Variants in UBXN8 observed in about 807,000 individuals in gnomAD.
UBXN8 encodes the protein UBX domain protein 8.
In UBXN8, 27 loss-of-function variants were observed where a neutral mutation model predicts 32.1. The observed-to-expected ratio is 0.84, with a 90% confidence interval of 0.62 to 1.16. The LOEUF (loss-of-function observed/expected upper bound fraction) is 1.16, where lower values mean the gene tolerates loss of function less well. Among genes scored for constraint, UBXN8 ranks in the 50% most tolerant of loss-of-function variants. UBXN8 has a pLI of 0.00. For synonymous variants in UBXN8, 109 were observed against 111.8 expected (o/e 0.98, Z 0.16); for missense variants, 306 against 311.4 (o/e 0.98, Z 0.13).
intron 1 of UBXN8, among the ~76,000 whole-genome samples, chr8:30,734,873 G>A (rs547998100): frequency 5.3e-5 from 8 of 152,284 alleles, no homozygotes; most frequent in South Asian, 2.1e-4. Flanking sequence ...AGCCCGGGGC[G>A]TTGAGGCTGT....
At chr8:30,731,624 C>T (rs1383828186), upstream of UBXN8, among the ~76,000 whole-genome samples, 1 of 151,784 alleles carries the variant, frequency 6.6e-6, no homozygotes. Context: ...GTTAACTGAG[C>T]CGGGCCAAGA....
At position 30,751,496 on chromosome 8, in the gene UBXN8, A is replaced by C; in HGVS notation, c.189A>C (p.Lys63Asn). ...SVTTSWLNSF[K>N]SPQVYLKEEE... ...CTACCTCATGGCTTAACTCATTTAA[A>C]TCTCCCCAAGTTTATCTGAAGGGTA... is the stretch of plus-strand genomic sequence containing the variant. Residue 63 changes from lysine (K) to asparagine (N), a missense_variant, in exon 2 of 8, where the codon AAA becomes AAC. Physicochemically the swap from Lys to Asn is moderately conservative, Grantham distance 94. Coordinates refer to ENST00000265616, the MANE Select transcript of UBXN8 (RefSeq NM_005671.4). The C allele has an allele frequency of 6.2e-7, 1 of 1,607,946 alleles. No homozygotes were observed. The highest frequency in any genetic ancestry group is 8.5e-7 in the Non-Finnish European group (1 of 1,177,128).
upstream of UBXN8, chr8:30,744,081 T>A: frequency 1.1e-6 from 1 of 915,980 alleles, no homozygotes; most frequent in Non-Finnish European, 1.7e-6. Context: ...ATTTACCACG[T>A]TATTGACCCT....
Position 30,744,482 on chromosome 8 carries a change from G to A in UBXN8, c.88+205G>A, listed in dbSNP as rs16877332. Reference sequence around the variant, plus strand: ...CCAGGTGTGATGGTTTTACGTGTAAGAGGGTAGAGGCAAAGAGCACAGGGG... The same window carrying A: ...CCAGGTGTGATGGTTTTACGTGTAAAAGGGTAGAGGCAAAGAGCACAGGGG... On this transcript the variant is annotated intron_variant, in intron 1 of 7. Transcript: ENST00000265616. 8 of 610,106 alleles carry A rather than the reference G, an allele frequency of 1.3e-5. No homozygotes were observed. The East Asian group carries it at 1.9e-4, about 15-fold the overall frequency. 37.8% of individuals were successfully genotyped at this position (610,106 alleles called of 1,614,324 possible). A position where few individuals can be genotyped will look rare whatever the true frequency, so the allele number is the denominator to read the frequency against.
intron 4 of UBXN8, among the ~76,000 whole-genome samples, chr8:30,756,500 T>C (rs1805664563): frequency 6.6e-6 from 1 of 152,106 alleles, no homozygotes. Context: ...CAGGCTGGTC[T>C]TGAACTCCTG....
upstream of UBXN8, among the ~76,000 whole-genome samples, chr8:30,740,989 G>A (rs1480991870): frequency 1.3e-5 from 2 of 152,172 alleles, no homozygotes; most frequent in Non-Finnish European, 2.9e-5. Flanking sequence ...TCAAAAAAGA[G>A]GGAAAATCTA....
chr8:30,755,531 T>C (rs904920960), intron 4 of UBXN8, among the ~76,000 whole-genome samples: 3 of 151,948 alleles, frequency 2.0e-5, no homozygotes, highest in Admixed American at 6.6e-5. Flanking sequence ...GGCAGGCAGA[T>C]TGCTTGAGAC....
chr8:30,748,575 C>G (rs188523750), intron 1 of UBXN8, among the ~76,000 whole-genome samples: 1 of 151,592 alleles, frequency 6.6e-6, no homozygotes, highest in Non-Finnish European at 1.5e-5. Flanking sequence ...GAGTTTCACT[C>G]TGTTGCCCAG....
intron 5 of UBXN8, among the ~76,000 whole-genome samples, chr8:30,757,651 G>A (rs1043244240): frequency 3.3e-5 from 5 of 151,900 alleles, no homozygotes; most frequent in East Asian, 2.0e-4. Context: ...ACGAGGTCAC[G>A]AGTTCAAGAC....
chr8:30,751,311 C>T (rs1374696253), intron 1 of UBXN8, 85 bp from the exon 2 acceptor site: 3 of 1,183,238 alleles, frequency 2.5e-6, no homozygotes, highest in African/African-American at 1.5e-5. Context: ...CTCAGGAGTT[C>T]GAGACCAGCC....
chr8:30,737,185 G>A (rs1470963938), intron 1 of UBXN8, among the ~76,000 whole-genome samples: 3 of 150,722 alleles, frequency 2.0e-5, no homozygotes, highest in Non-Finnish European at 4.4e-5. Context: ...TGTCATTTCT[G>A]GGTCTGTTTC....
Position 30,766,293 on chromosome 8 carries a change from C to G in UBXN8, c.712C>G (p.Pro238Ala). 6.2e-7 allele frequency: 1 copy of G among 1,613,868 alleles called. No homozygotes were observed. Among genetic ancestry groups the G allele is most frequent in the Non-Finnish European group, 8.5e-7 (1 of 1,179,824 alleles). ...TCTATACAGCCTTTCTACTTCCTTT[C>G]CCAGACGGCCTCTGGCAGTGGAGGG... ...ISLYSLSTSFPRRPLAVEGGQ... is the reference protein window; with the variant it reads ...ISLYSLSTSFARRPLAVEGGQ... Residue 238 changes from proline (P) to alanine (A), a missense_variant, in exon 8 of 8, where the codon CCC becomes GCC. Transcript: ENST00000265616.
chr8:30,754,685 T>C lies in UBXN8; in HGVS notation c.303T>C (p.Asn101=), dbSNP rs749572936. The C allele has an allele frequency of 6.4e-7, 1 of 1,558,020 alleles. No individual in the cohort carries two copies. The highest frequency in any genetic ancestry group is 1.3e-5 in the South Asian group (1 of 79,994). ...AACAGGCCAGCAGATACATAGAGAA[T>C]GTTTTAAAACCTCACCAGGAAATGA... The part of the protein sequence containing the change: ...QGEKASRYIE[N]VLKPHQEMKL... The change falls in exon 4 of 8, where the codon AAT becomes AAC. Residue 101 remains asparagine (N), a synonymous_variant. Transcript: ENST00000265616.
chr8:30,747,307 GT>G (rs59568820), intron 1 of UBXN8, among the ~76,000 whole-genome samples: 3,417 of 81,598 alleles, frequency 0.042, 163 homozygotes, highest in African/African-American at 0.13. Context: ...CCTCAGTGGT[GT>G]TTTTTTTTTT....
At chr8:30,755,192 T>C (rs1427834268) in intron 4 of UBXN8, among the ~76,000 whole-genome samples, 1 of 151,976 alleles carries the variant, frequency 6.6e-6, no homozygotes, top group East Asian at 1.9e-4. Context: ...CCTGACCTCA[T>C]GATCCGCCCG....
exon 1 of UBXN8, chr8:30,733,237 C>T (rs1335486330): frequency 6.6e-6 from 1 of 152,282 alleles, no homozygotes; most frequent in Non-Finnish European, 1.5e-5. Flanking sequence ...GAAGCCAGAT[C>T]GTTGCCCCAG....
At chr8:30,763,761 C>G (rs367925485) in intron 7 of UBXN8, among the ~76,000 whole-genome samples, 1 of 151,958 alleles carries the variant, frequency 6.6e-6, no homozygotes, top group Non-Finnish European at 1.5e-5. Context: ...GAGGCCAAGG[C>G]GGGCAGATCA....
At chr8:30,744,112 A>G (rs1403313075), upstream of UBXN8, 52 of 1,410,092 alleles carry the variant, frequency 3.7e-5, no homozygotes, top group South Asian at 3.3e-4. Context: ...GCCCGCGGCA[A>G]GAAGAGTTCC....
rs1459956382 is a variant in UBXN8 at position 30,756,812 on chromosome 8, A to G, written c.453A>G (p.Glu151=). The G allele has an allele frequency of 1.2e-6, 2 of 1,614,068 alleles. No homozygotes were observed. The highest frequency in any genetic ancestry group is 1.1e-5 in the South Asian group (1 of 91,088). ...SQTSFETSNR[E]AAKSQNLPKP... ...CATCTTTTGAAACATCAAACAGAGA[A>G]GCAGCAAAGAGCCAGAACTTGCCTA... The change falls in exon 5 of 8, where the codon GAA becomes GAG. Residue 151 remains glutamate, a synonymous_variant. Transcript: ENST00000265616.
Sources: allele counts gnomAD v4.1 joint callset (sites outside exome capture counted in the v4.1 genomes callset), GRCh38; gene constraint gnomAD v4.1.1; transcripts MANE v1.5; gene names NCBI Gene and HGNC (gene_info 2026-07-23, HGNC 2026-07-21).